The following CSMD3 variants were observed in gnomAD, a reference collection of about 807,000 sequenced individuals.
CSMD3 encodes CUB and Sushi multiple domains 3.
Under a neutral mutation model 435.2 loss-of-function variants are expected in CSMD3, and 177 were observed. The observed-to-expected ratio is 0.41, with a 90% CI of 0.36 to 0.46. The LOEUF (loss-of-function observed/expected upper bound fraction) is 0.46, where lower values mean the gene tolerates loss of function less well. CSMD3 is among the 20% of genes least tolerant of loss of function. CSMD3 has a pLI of 0.34. For synonymous variants in CSMD3, 1,656 were observed against 1,520.5 expected, an observed-to-expected ratio of 1.09 and a Z score of -2.07; for missense variants, 4,265 against 4,504.6, an observed-to-expected ratio of 0.95 and a Z score of 1.52.
At chr8:112,257,532 T>C (rs927253640) in intron 61 of CSMD3, among the ~76,000 whole-genome samples, 3 of 152,142 alleles carry the variant, frequency 2.0e-5, no homozygotes, top group Admixed American at 6.5e-5. Context: ...CCATTCACAA[T>C]TGCTACAAAG....
intron 59 of CSMD3, among the ~76,000 whole-genome samples, chr8:112,277,645 C>T (rs1156463522): frequency 6.6e-6 from 1 of 152,096 alleles, no homozygotes; most frequent in African/African-American, 2.4e-5. Flanking sequence ...AGTCTGCTTT[C>T]ACACTGCTGA....
intron 3 of CSMD3, among the ~76,000 whole-genome samples, chr8:113,227,874 G>C (rs2093045317): frequency 6.6e-6 from 1 of 151,584 alleles, no homozygotes; most frequent in Non-Finnish European, 1.5e-5. Context: ...AACACTCATA[G>C]AGTGCTAGTT....
At chr8:112,536,499 A>G (rs1244569682) in intron 27 of CSMD3, among the ~76,000 whole-genome samples, 2 of 152,086 alleles carry the variant, frequency 1.3e-5, no homozygotes, top group Non-Finnish European at 2.9e-5. Context: ...TTAGAATGGC[A>G]ATCATTAAAA....
chr8:112,753,528 T>C (rs1057135848), intron 13 of CSMD3, among the ~76,000 whole-genome samples: 2 of 152,194 alleles, frequency 1.3e-5, no homozygotes, highest in African/African-American at 4.8e-5. Flanking sequence ...AAGGCCTCAT[T>C]GTAAACACGG....
intron 49 of CSMD3, among the ~76,000 whole-genome samples, chr8:112,313,027 T>C (rs924431414): frequency 6.6e-6 from 1 of 152,174 alleles, no homozygotes; most frequent in African/African-American, 2.4e-5. Context: ...ATCCATGGCC[T>C]CTGACATGAT....
intron 32 of CSMD3, among the ~76,000 whole-genome samples, chr8:112,443,388 G>T (rs1482025612): frequency 6.6e-6 from 1 of 152,100 alleles, no homozygotes; most frequent in Middle Eastern, 3.2e-3. Context: ...TAAGAGCTGA[G>T]AAATATGAAT....
chr8:113,042,516 T>C (rs2087666326), intron 5 of CSMD3, among the ~76,000 whole-genome samples: 1 of 152,214 alleles, frequency 6.6e-6, no homozygotes, highest in Non-Finnish European at 1.5e-5. Context: ...TCTAACGTTA[T>C]AATTTTTCTA....
At chr8:112,448,224 C>G (rs145863021) in intron 32 of CSMD3, among the ~76,000 whole-genome samples, 1 of 152,130 alleles carries the variant, frequency 6.6e-6, no homozygotes, top group Non-Finnish European at 1.5e-5. Context: ...AACATTGATG[C>G]CTCTTCCTCT....
chr8:112,343,243 A>G (rs963682775), intron 41 of CSMD3, among the ~76,000 whole-genome samples: 1 of 152,006 alleles, frequency 6.6e-6, no homozygotes, highest in Non-Finnish European at 1.5e-5. Context: ...AACTATTTTT[A>G]ATAATTCATT....
intron 22 of CSMD3, among the ~76,000 whole-genome samples, chr8:112,621,170 G>A (rs1021980879): frequency 6.6e-6 from 1 of 152,094 alleles, no homozygotes; most frequent in Admixed American, 6.6e-5. Context: ...GGGAGGTGGA[G>A]GTTGCGGTGA....
At chr8:112,781,997 A>C (rs370907374) in intron 13 of CSMD3, among the ~76,000 whole-genome samples, 3 of 152,272 alleles carry the variant, frequency 2.0e-5, no homozygotes, top group African/African-American at 7.2e-5. Context: ...CAGACTGTGA[A>C]GATTGCAATA....
intron 45 of CSMD3, among the ~76,000 whole-genome samples, chr8:112,326,656 T>C (rs1262335627): frequency 3.3e-5 from 5 of 152,222 alleles, no homozygotes; most frequent in African/African-American, 4.8e-5. Context: ...CAATGGGTCA[T>C]TCAAAGCACC....
chr8:112,937,892 A>T (rs761419739), intron 9 of CSMD3, among the ~76,000 whole-genome samples: 19 of 152,180 alleles, frequency 1.2e-4, no homozygotes, highest in Non-Finnish European at 2.1e-4. Context: ...AAAAAAAGAT[A>T]GCATCAGCAT....
intron 1 of CSMD3, among the ~76,000 whole-genome samples, chr8:113,417,820 C>T (rs570205655): frequency 1.1e-4 from 17 of 151,718 alleles, no homozygotes; most frequent in African/African-American, 3.9e-4. Flanking sequence ...AGGTTTAATG[C>T]CACAAAATTA....
chr8:112,842,759 A>G (rs537965576), intron 11 of CSMD3, among the ~76,000 whole-genome samples: 39 of 151,830 alleles, frequency 2.6e-4, no homozygotes, highest in Non-Finnish European at 4.9e-4. Context: ...TTTAGCATCA[A>G]GAATGTAAAA....
At chr8:113,363,541 T>C (rs2094291753) in intron 1 of CSMD3, among the ~76,000 whole-genome samples, 1 of 152,176 alleles carries the variant, frequency 6.6e-6, no homozygotes, top group Admixed American at 6.6e-5. Context: ...CCGGAGGCTC[T>C]AGTGAAGGAG....
intron 4 of CSMD3, among the ~76,000 whole-genome samples, chr8:113,104,342 T>A (rs1241390318): frequency 6.6e-6 from 1 of 152,116 alleles, no homozygotes; most frequent in Non-Finnish European, 1.5e-5. Context: ...GAAACTGACA[T>A]CTATGTGAGG....
In CSMD3 at chr8:112,629,343, C is replaced by T. The variant is rs186158168; in HGVS notation, c.3715+7474G>A. On this transcript the variant is annotated intron_variant, in intron 22 of 70. Coordinates refer to ENST00000297405, the MANE Select transcript of CSMD3 (RefSeq NM_198123.2). Reference sequence around the variant, plus strand: ...CAGCCTCCCCAGTGGCTGAGACAACCGTCATACACCACAATGCCTAGATAA... The same window carrying T: ...CAGCCTCCCCAGTGGCTGAGACAACTGTCATACACCACAATGCCTAGATAA... 5.2e-3 allele frequency among the ~76,000 whole-genome samples: 785 copies of T among 152,096 alleles called. 2 individuals carry two copies. The highest frequency in any genetic ancestry group is 0.031 in the Middle Eastern group (9 of 294).
intron 10 of CSMD3, among the ~76,000 whole-genome samples, chr8:112,880,327 G>A (rs1286759313): frequency 1.3e-5 from 2 of 152,052 alleles, no homozygotes; most frequent in Non-Finnish European, 2.9e-5. Context: ...AATAAGGTGG[G>A]ATCCTACGCT....
Sources: allele counts gnomAD v4.1 joint callset (sites outside exome capture counted in the v4.1 genomes callset), GRCh38; gene constraint gnomAD v4.1.1; transcripts MANE v1.5; gene names NCBI Gene and HGNC (gene_info 2026-07-23, HGNC 2026-07-21).